The following KANK1 variants were observed in gnomAD, a reference collection of about 807,000 sequenced individuals.
KANK1 encodes the protein KN motif and ankyrin repeat domains 1.
Under a neutral mutation model 106.2 loss-of-function variants are expected in KANK1, and 109 were observed. That is an observed-to-expected ratio of 1.03 (90% CI 0.88 to 1.20). The LOEUF is 1.20. Ranked by LOEUF, KANK1 falls within the 50% of genes most tolerant of loss-of-function variation. KANK1 has a pLI of 0.00. For missense variants in KANK1, 2,399 were observed against 1,710.7 expected (o/e 1.40, Z -7.10); for synonymous variants, 873 against 652.2 (o/e 1.34, Z -5.16).
chr9:610,117 T>C (rs1830222048), intron 1 of KANK1, among the ~76,000 whole-genome samples: 1 of 152,200 alleles, frequency 6.6e-6, no homozygotes, highest in South Asian at 2.1e-4. Flanking sequence ...ACTTTAAGTA[T>C]CATTGCAGTG....
At chr9:601,899 A>G (rs889280404) in intron 1 of KANK1, among the ~76,000 whole-genome samples, 18 of 151,918 alleles carry the variant, frequency 1.2e-4, no homozygotes, top group African/African-American at 3.6e-4. Context: ...TTAGAAACCA[A>G]TATCTGAGTA....
intron 2 of KANK1, among the ~76,000 whole-genome samples, chr9:686,288 C>A (rs909540858): frequency 6.6e-6 from 1 of 152,170 alleles, no homozygotes. Context: ...TTATTCAACT[C>A]AGGGACGCAC....
chr9:744,846 C>T (rs1836779981), intron 11 of KANK1: 2 of 1,414,720 alleles, frequency 1.4e-6, no homozygotes, highest in African/African-American at 1.4e-5. Context: ...TGATTCTGTG[C>T]AGAATTATCC....
chr9:625,878 G>T (rs528100884), intron 1 of KANK1, among the ~76,000 whole-genome samples: 2 of 152,070 alleles, frequency 1.3e-5, no homozygotes, highest in African/African-American at 2.4e-5. Flanking sequence ...TTCATTTCCC[G>T]GTTTTAACCA....
chr9:538,879 G>A (rs947356533), intron 1 of KANK1, among the ~76,000 whole-genome samples: 1 of 152,046 alleles, frequency 6.6e-6, no homozygotes, highest in African/African-American at 2.4e-5. Flanking sequence ...TCCAGCTTTT[G>A]TTTTTTATTT....
chr9:709,171 C>A (rs868593338), intron 2 of KANK1, among the ~76,000 whole-genome samples: 6 of 152,216 alleles, frequency 3.9e-5, no homozygotes, highest in Admixed American at 6.5e-5. Flanking sequence ...GAAAACTCTT[C>A]CTACAGTTAA....
chr9:621,070 C>T (rs1015501229), intron 1 of KANK1, among the ~76,000 whole-genome samples: 22 of 152,250 alleles, frequency 1.4e-4, no homozygotes, highest in African/African-American at 5.1e-4. Context: ...ATGCCCAGTA[C>T]TAGAAATCTA....
intron 1 of KANK1, among the ~76,000 whole-genome samples, chr9:566,412 T>C (rs866464521): frequency 2.6e-5 from 4 of 152,238 alleles, no homozygotes; most frequent in African/African-American, 7.2e-5. Flanking sequence ...GTTATATTTT[T>C]AGAACTTTGA....
At chr9:563,645 T>C (rs1471091865) in intron 1 of KANK1, among the ~76,000 whole-genome samples, 2 of 152,158 alleles carry the variant, frequency 1.3e-5, no homozygotes, top group Non-Finnish European at 2.9e-5. Context: ...TATCCTTGGG[T>C]GTGAGGTCAG....
intron 1 of KANK1, among the ~76,000 whole-genome samples, chr9:542,244 A>T (rs1207952105): frequency 6.6e-6 from 1 of 151,786 alleles, no homozygotes; most frequent in Non-Finnish European, 1.5e-5. Context: ...CATGCCTGTA[A>T]ATCCCAGCAC....
At position 589,572 on chromosome 9, in the gene KANK1, T is replaced by C. The variant is rs1054995314; in HGVS notation, c.-84+84818T>C. ...GAAAAACAGGGGGCCAGGACTTCCG[T>C]GACTACAGGGCTGGCTGAATAGATC... On this transcript the variant is annotated intron_variant, in intron 1 of 11. Coordinates refer to ENST00000382297, the MANE Select transcript of KANK1 (RefSeq NM_015158.5). Among the ~76,000 whole-genome samples the C allele has an allele frequency of 3.2e-4, 48 of 151,964 alleles. 1 individual carries two copies. Among genetic ancestry groups the C allele is most frequent in the African/African-American group, 1.0e-3 (42 of 41,348 alleles).
At chr9:710,448 T>C (rs1250387138) in intron 2 of KANK1, among the ~76,000 whole-genome samples, 2 of 151,782 alleles carry the variant, frequency 1.3e-5, no homozygotes, top group Non-Finnish European at 2.9e-5. Flanking sequence ...TGAAACCCTG[T>C]CTCTACTAAA....
Position 746,034 on chromosome 9 carries a change from C to T in KANK1, c.*799C>T, listed in dbSNP as rs921967232. 1 of 152,610 alleles carries T rather than the reference C, an allele frequency of 6.6e-6. No homozygotes were observed. The highest frequency in any genetic ancestry group is 1.5e-5 in the Non-Finnish European group (1 of 68,040). 9.5% of individuals were successfully genotyped at this position (152,610 alleles called of 1,614,324 possible). On this transcript the variant is annotated 3_prime_UTR_variant, in exon 12 of 12. Coordinates refer to ENST00000382297, the MANE Select transcript of KANK1 (RefSeq NM_015158.5). ...ACCGTGTCACATTTACTTTGGTCCTCTATGTATTTAAATGTTTGAAGTGCC... is the reference window on the plus strand; with the variant it reads ...ACCGTGTCACATTTACTTTGGTCCTTTATGTATTTAAATGTTTGAAGTGCC...
At chr9:641,833 A>G (rs1026637448) in intron 1 of KANK1, among the ~76,000 whole-genome samples, 3 of 152,226 alleles carry the variant, frequency 2.0e-5, no homozygotes, top group African/African-American at 7.2e-5. Context: ...GGTATAATTC[A>G]CAAACCATGC....
upstream of KANK1, among the ~76,000 whole-genome samples, chr9:500,410 G>C (rs1285123205): frequency 6.6e-6 from 1 of 152,194 alleles, no homozygotes; most frequent in Non-Finnish European, 1.5e-5. Flanking sequence ...TCTTCACTCT[G>C]AACCACTCAT....
chr9:720,314 T>C (rs551255480), intron 3 of KANK1, among the ~76,000 whole-genome samples: 1 of 152,246 alleles, frequency 6.6e-6, no homozygotes, highest in Non-Finnish European at 1.5e-5. Flanking sequence ...GCCAGAATTC[T>C]GAAGGTGTTT....
chr9:668,492 C>T (rs1317331883), intron 1 of KANK1, among the ~76,000 whole-genome samples: 2 of 152,086 alleles, frequency 1.3e-5, no homozygotes, highest in African/African-American at 4.8e-5. Flanking sequence ...TGATAAATTT[C>T]TGAATGGAGA....
rs76102579 is a variant in KANK1, at chr9:654,958, A to G, written c.-83-21932A>G. On this transcript the variant is annotated intron_variant, in intron 1 of 11. Transcript: ENST00000382297. ...TTTTGAGAACCACTGGAATAGACCA[A>G]TAACTCTCAAATGTAGCAGTTGGAA... 1.1e-4 allele frequency among the ~76,000 whole-genome samples: 17 copies of G among 152,282 alleles called. No individual in the cohort carries two copies. In the East Asian group the frequency reaches 2.7e-3, roughly 24 times the overall value.
At chr9:579,950 C>T (rs1193922539) in intron 1 of KANK1, among the ~76,000 whole-genome samples, 2 of 152,164 alleles carry the variant, frequency 1.3e-5, no homozygotes, top group African/African-American at 4.8e-5. Flanking sequence ...TCAGCATCTG[C>T]TGTCTCCAGT....
Sources: allele counts gnomAD v4.1 joint callset (sites outside exome capture counted in the v4.1 genomes callset), GRCh38; gene constraint gnomAD v4.1.1; transcripts MANE v1.5; gene names NCBI Gene and HGNC (gene_info 2026-07-23, HGNC 2026-07-21).